The following STARD13 variants were observed in gnomAD, a reference collection of about 807,000 sequenced individuals.
STARD13 encodes stAR-related lipid transfer protein 13.
STARD13 carries 62 observed loss-of-function variants against 106.4 expected under a neutral mutation model. The observed-to-expected ratio is 0.58, with a 90% CI of 0.48 to 0.72. STARD13 has a LOEUF of 0.72. Ranked by LOEUF, STARD13 falls within the 30% of genes least tolerant of loss-of-function variation. The pLI is 0.00. For synonymous variants in STARD13, 565 were observed against 553.0 expected, an observed-to-expected ratio of 1.02 and a Z score of -0.31; for missense variants, 1,387 against 1,424.0, an observed-to-expected ratio of 0.97 and a Z score of 0.42.
chr13:33,156,280 A>G (rs1242732373), intron 3 of STARD13, among the ~76,000 whole-genome samples: 2 of 152,214 alleles, frequency 1.3e-5, no homozygotes, highest in East Asian at 1.9e-4. Context: ...AGCCCTGGCC[A>G]TGTTGGGCAC....
At chr13:33,255,261 A>G (rs1225860066) in intron 1 of STARD13, among the ~76,000 whole-genome samples, 3 of 152,204 alleles carry the variant, frequency 2.0e-5, no homozygotes, top group Non-Finnish European at 4.4e-5. Flanking sequence ...TGTATCATTC[A>G]TACTACTCAG....
intron 1 of STARD13, among the ~76,000 whole-genome samples, chr13:33,268,885 A>T (rs2138350881): frequency 6.6e-6 from 1 of 152,384 alleles, no homozygotes; most frequent in East Asian, 1.9e-4. Context: ...AGCTATAAAC[A>T]AGAAATGTGT....
At chr13:33,108,712 T>C (rs949035904) in intron 12 of STARD13, among the ~76,000 whole-genome samples, 1 of 152,176 alleles carries the variant, frequency 6.6e-6, no homozygotes, top group Admixed American at 6.5e-5. Flanking sequence ...AGGGAGGTTC[T>C]ACACACAGAC....
At chr13:33,644,158 G>A in the STARD13 span, among the ~76,000 whole-genome samples, 2 of 152,212 alleles carry the variant, frequency 1.3e-5, no homozygotes, top group Admixed American at 6.5e-5. Flanking sequence ...AAGGCAGTGC[G>A]GGAGAATCGG....
At chr13:33,135,090 C>T (rs1878879734) in intron 4 of STARD13, among the ~76,000 whole-genome samples, 1 of 152,214 alleles carries the variant, frequency 6.6e-6, no homozygotes, top group Admixed American at 6.5e-5. Context: ...TTAAGGGGTA[C>T]ATTTCTAGAG....
intron 7 of STARD13, 124 bp downstream of exon 7, chr13:33,125,957 C>T (rs1275063931): frequency 3.5e-6 from 3 of 865,618 alleles, no homozygotes; most frequent in East Asian, 2.6e-5. Flanking sequence ...GGTCACAATG[C>T]CTTTTATTTT....
At chr13:33,262,662 A>ACACACAACACACACAC (rs5802678) in intron 1 of STARD13, among the ~76,000 whole-genome samples, 1,375 of 114,984 alleles carry the variant, frequency 0.012, 35 homozygotes, top group African/African-American at 0.042. Flanking sequence ...ACACACACAC[A>ACACACAACACACACAC]ACACACACAC....
the STARD13 span, among the ~76,000 whole-genome samples, chr13:33,398,906 A>G: frequency 1.3e-5 from 2 of 152,338 alleles, no homozygotes; most frequent in South Asian, 4.1e-4. Flanking sequence ...TATTTACTCA[A>G]GAGAAATGAA....
At chr13:33,605,563 C>T in the STARD13 span, among the ~76,000 whole-genome samples, 2 of 152,022 alleles carry the variant, frequency 1.3e-5, no homozygotes, top group Non-Finnish European at 2.9e-5. Flanking sequence ...TAAGCACTTA[C>T]TCTCGGTTTC....
the STARD13 span, among the ~76,000 whole-genome samples, chr13:33,636,311 A>T: frequency 6.6e-6 from 1 of 152,026 alleles, no homozygotes; most frequent in Non-Finnish European, 1.5e-5. Flanking sequence ...AAGAAACATG[A>T]TTTGTCCCTG....
At chr13:33,669,950 T>G in the STARD13 span, among the ~76,000 whole-genome samples, 1 of 152,242 alleles carries the variant, frequency 6.6e-6, no homozygotes, top group African/African-American at 2.4e-5. Context: ...GATTTGAAGA[T>G]TGTTCCTGCC....
the STARD13 span, among the ~76,000 whole-genome samples, chr13:33,359,841 C>G: frequency 4.6e-5 from 7 of 152,146 alleles, no homozygotes; most frequent in African/African-American, 1.7e-4. Flanking sequence ...GAAATGTCTT[C>G]TCCATCAGCA....
chr13:33,506,772 T>C, the STARD13 span, among the ~76,000 whole-genome samples: 1 of 152,230 alleles, frequency 6.6e-6, no homozygotes, highest in African/African-American at 2.4e-5. Flanking sequence ...TGTTGAGTTT[T>C]GGTATAGTAT....
the STARD13 span, among the ~76,000 whole-genome samples, chr13:33,507,464 G>T: frequency 1.3e-5 from 2 of 151,930 alleles, no homozygotes; most frequent in Admixed American, 1.3e-4. Flanking sequence ...TTATATTAAG[G>T]ACTCACAAAA....
the STARD13 span, among the ~76,000 whole-genome samples, chr13:33,551,568 C>CTTTTTTTTTTT: frequency 0.011 from 490 of 44,794 alleles, 241 homozygotes; most frequent in East Asian, 0.021. Flanking sequence ...TTTGCTTTTC[C>CTTTTTTTTTTT]CTTTTTTTTT....
chr13:33,547,041 A>T, the STARD13 span, among the ~76,000 whole-genome samples: 3 of 152,360 alleles, frequency 2.0e-5, no homozygotes, highest in South Asian at 6.2e-4. Context: ...CTTTAGAAAA[A>T]GTGAAAATAT....
At chr13:33,135,130 G>A (rs141734101) in intron 4 of STARD13, among the ~76,000 whole-genome samples, 1 of 152,318 alleles carries the variant, frequency 6.6e-6, no homozygotes, top group East Asian at 1.9e-4. Flanking sequence ...AAGGATCTAA[G>A]AACCACAACC....
At chr13:33,481,753 A>T in the STARD13 span, among the ~76,000 whole-genome samples, 1 of 152,106 alleles carries the variant, frequency 6.6e-6, no homozygotes. Flanking sequence ...AAACAAACTT[A>T]AAAAATCTGG....
At chr13:33,548,265 AC>A in the STARD13 span, among the ~76,000 whole-genome samples, 1 of 152,328 alleles carries the variant, frequency 6.6e-6, no homozygotes, top group Admixed American at 6.5e-5. Context: ...GAACAAGAGG[AC>A]ATGGATGACT....
Sources: allele counts gnomAD v4.1 joint callset (sites outside exome capture counted in the v4.1 genomes callset), GRCh38; gene constraint gnomAD v4.1.1; transcripts MANE v1.5; gene names NCBI Gene and HGNC (gene_info 2026-07-23, HGNC 2026-07-21).